Variants in ARHGAP21 observed in about 807,000 individuals in gnomAD.
The protein encoded by ARHGAP21 is Rho GTPase activating protein 21.
A neutral mutation model predicts 164.6 loss-of-function variants in ARHGAP21; 38 were observed. That is an observed-to-expected ratio of 0.23 (90% CI 0.18 to 0.30). The LOEUF is 0.30. Among genes scored for constraint, ARHGAP21 ranks in the 10% least tolerant of loss-of-function variants. ARHGAP21 has a pLI of 1.00. For synonymous variants in ARHGAP21, 766 were observed against 857.9 expected, an observed-to-expected ratio of 0.89 and a Z score of 1.87; for missense variants, 1,822 against 2,370.7, an observed-to-expected ratio of 0.77 and a Z score of 4.81.
chr10:24,711,999 C>T (rs139237439), intron 2 of ARHGAP21, among the ~76,000 whole-genome samples: 4 of 152,244 alleles, frequency 2.6e-5, no homozygotes, highest in East Asian at 1.9e-4. Context: ...CCACAACCTC[C>T]GCCACTTGGA....
chr10:24,668,808 T>C (rs1444347443), intron 3 of ARHGAP21, among the ~76,000 whole-genome samples: 1 of 152,158 alleles, frequency 6.6e-6, no homozygotes, highest in Non-Finnish European at 1.5e-5. Context: ...CTAGAAATAT[T>C]TTCCAATAAT....
At chr10:24,614,797 A>AAG (rs2077408207) in intron 9 of ARHGAP21, among the ~76,000 whole-genome samples, 1 of 151,560 alleles carries the variant, frequency 6.6e-6, no homozygotes, top group Non-Finnish European at 1.5e-5. Flanking sequence ...AAAAAAAAAA[A>AAG]ATGCGGCTAG....
chr10:24,591,829 A>G (rs1283395618), intron 22 of ARHGAP21, 58 bp downstream of exon 22: 1 of 1,591,420 alleles, frequency 6.3e-7, no homozygotes, highest in East Asian at 2.2e-5. Context: ...CTGCCCGTGA[A>G]AATGAATTTT....
At chr10:24,610,159 C>A (rs2077192698) in intron 9 of ARHGAP21, among the ~76,000 whole-genome samples, 2 of 152,074 alleles carry the variant, frequency 1.3e-5, no homozygotes, top group African/African-American at 4.8e-5. Context: ...GGTGGATCAC[C>A]TGAGGTCAGG....
At chr10:24,614,238 C>A (rs1166375621) in intron 9 of ARHGAP21, among the ~76,000 whole-genome samples, 1 of 152,136 alleles carries the variant, frequency 6.6e-6, no homozygotes, top group Non-Finnish European at 1.5e-5. Context: ...CTGGATATTA[C>A]ATTCACTACC....
intron 14 of ARHGAP21, among the ~76,000 whole-genome samples, chr10:24,599,666 A>C (rs1386302034): frequency 6.6e-6 from 1 of 152,222 alleles, no homozygotes; most frequent in Non-Finnish European, 1.5e-5. Context: ...AACTGTGTTA[A>C]TGATAAGAAA....
At chr10:24,719,558 C>T (rs529994656) in intron 2 of ARHGAP21, among the ~76,000 whole-genome samples, 31 of 152,252 alleles carry the variant, frequency 2.0e-4, no homozygotes, top group Admixed American at 1.7e-3. Flanking sequence ...AACAGCATTA[C>T]TATTAAGACA....
chr10:24,606,061 CTCTT>C (rs1258033914), intron 11 of ARHGAP21, among the ~76,000 whole-genome samples: 5 of 152,026 alleles, frequency 3.3e-5, no homozygotes, highest in Non-Finnish European at 5.9e-5. Context: ...GTAAAGTTGT[CTCTT>C]TATCTAATTT....
At chr10:24,688,690 T>G (rs1431290000) in intron 2 of ARHGAP21, among the ~76,000 whole-genome samples, 1 of 152,178 alleles carries the variant, frequency 6.6e-6, no homozygotes, top group African/African-American at 2.4e-5. Context: ...ACCCATTTAC[T>G]CATTAGTTCT....
At chr10:24,689,836 GTA>G (rs200285068) in intron 2 of ARHGAP21, among the ~76,000 whole-genome samples, 1,541 of 147,158 alleles carry the variant, frequency 0.01, 16 homozygotes, top group Middle Eastern at 0.022. Context: ...ATATGTATGT[GTA>G]TATATATGTA....
chr10:24,721,905 T>C lies in ARHGAP21; in HGVS notation c.-6A>G. 2 of 1,614,112 alleles carry C rather than the reference T, an allele frequency of 1.2e-6. No homozygotes were observed. The highest frequency in any genetic ancestry group is 1.1e-5 in the South Asian group (1 of 91,064). ...GTCCGACGCGTGGCCATCATTTCAT[T>C]TCAAATGACAAAGAAGGGACAAATC... On this transcript the variant is annotated 5_prime_UTR_variant, in exon 2 of 26. Transcript: ENST00000396432.
chr10:24,674,249 G>C (rs1485884169), intron 2 of ARHGAP21, among the ~76,000 whole-genome samples: 1 of 151,716 alleles, frequency 6.6e-6, no homozygotes. Context: ...AAATTAGCCA[G>C]GTAGCTGGGC....
At chr10:24,673,223 C>A (rs994753069) in intron 2 of ARHGAP21, among the ~76,000 whole-genome samples, 1 of 152,088 alleles carries the variant, frequency 6.6e-6, no homozygotes, top group Admixed American at 6.6e-5. Flanking sequence ...ATGCAAAGAA[C>A]CTAAAATAAC....
rs980249955 is a variant in ARHGAP21 at position 24,598,613 on chromosome 10, T to C, written c.3133-604A>G. ...AAATGCTATATGGTAAACCCAGAGT[T>C]GACCATAAAGTGATCCTTTTTTTCC... On this transcript the variant is annotated intron_variant, in intron 14 of 25. Coordinates refer to ENST00000396432, the MANE Select transcript of ARHGAP21 (RefSeq NM_020824.4). 3.3e-5 allele frequency among the ~76,000 whole-genome samples: 5 copies of C among 152,346 alleles called. No homozygotes were observed. In the East Asian group the frequency reaches 9.6e-4, roughly 29 times the overall value.
chr10:24,698,652 A>G (rs1843379850), intron 2 of ARHGAP21, among the ~76,000 whole-genome samples: 1 of 152,136 alleles, frequency 6.6e-6, no homozygotes, highest in Admixed American at 6.5e-5. Context: ...CAGGCAGAAT[A>G]CCCTACTAGG....
intron 2 of ARHGAP21, among the ~76,000 whole-genome samples, chr10:24,699,614 C>T (rs1023006788): frequency 3.9e-5 from 6 of 152,080 alleles, no homozygotes; most frequent in African/African-American, 1.2e-4. Context: ...CATGAGTCAC[C>T]GTGCCCGGCC....
At chr10:24,590,976 T>TTGCATGC (rs1182217545) in intron 24 of ARHGAP21, 51 of 925,594 alleles carry the variant, frequency 5.5e-5, no homozygotes, top group Non-Finnish European at 6.6e-5. Context: ...AAACAGTGGT[T>TTGCATGC]TGCATGCTCA....
chr10:24,720,651 T>G (rs1285848430), intron 2 of ARHGAP21, among the ~76,000 whole-genome samples: 4 of 152,230 alleles, frequency 2.6e-5, no homozygotes, highest in African/African-American at 4.8e-5. Flanking sequence ...ATGAAGCAAG[T>G]TTCTCCGCTT....
In ARHGAP21 at chr10:24,584,221, A is replaced by AATATAT. The variant is rs35918968; in HGVS notation, c.*185_*190dup. The AATATAT allele has an allele frequency of 4.2e-4, 97 of 229,386 alleles. No individual in the cohort carries two copies. Among genetic ancestry groups the AATATAT allele is most frequent in the African/African-American group, 1.9e-3 (80 of 42,380 alleles). The allele number at this position is 229,386 out of a possible 1,614,324, so 14.2% of individuals were successfully genotyped here. On this transcript the variant is annotated 3_prime_UTR_variant, in exon 26 of 26. Coordinates refer to ENST00000396432, the MANE Select transcript of ARHGAP21 (RefSeq NM_020824.4). ...TATACAACTATCCGATATATTTTTAAATATATATATATATATATATGTTCT... is the reference window on the plus strand; with the variant it reads ...TATACAACTATCCGATATATTTTTAAATATATATATATATATATATATATATGTTCT...
Sources: allele counts gnomAD v4.1 joint callset (sites outside exome capture counted in the v4.1 genomes callset), GRCh38; gene constraint gnomAD v4.1.1; transcripts MANE v1.5; gene names NCBI Gene and HGNC (gene_info 2026-07-23, HGNC 2026-07-21).